The following PDZD2 variants were observed in gnomAD, a reference collection of about 807,000 sequenced individuals.
PDZD2 encodes PDZ domain-containing protein 2.
Under a neutral mutation model 220.7 loss-of-function variants are expected in PDZD2, and 90 were observed. The observed-to-expected ratio is 0.41, with a 90% confidence interval of 0.34 to 0.49. The LOEUF is 0.49. Among genes scored for constraint, PDZD2 ranks in the 20% least tolerant of loss-of-function variants. PDZD2 has a pLI of 0.28. For synonymous variants in PDZD2, 1,375 were observed against 1,450.5 expected (o/e 0.95, Z 1.18); for missense variants, 3,174 against 3,608.5 (o/e 0.88, Z 3.08).
intron 1 of PDZD2, among the ~76,000 whole-genome samples, chr5:31,695,259 G>A (rs1747331773): frequency 6.6e-6 from 1 of 152,206 alleles, no homozygotes. Flanking sequence ...GCCCGTTCCT[G>A]GGTGCCCCCG....
chr5:32,030,672 T>A (rs1403874806), intron 6 of PDZD2, among the ~76,000 whole-genome samples: 1 of 152,214 alleles, frequency 6.6e-6, no homozygotes, highest in Non-Finnish European at 1.5e-5. Context: ...GTGAAAGAGA[T>A]GAAATCAATG....
At chr5:31,894,929 C>T (rs1330930704) in intron 2 of PDZD2, among the ~76,000 whole-genome samples, 2 of 152,150 alleles carry the variant, frequency 1.3e-5, no homozygotes, top group Non-Finnish European at 2.9e-5. Flanking sequence ...CACCCCATGG[C>T]CCAGGCTGGA....
chr5:32,010,599 A>C, intron 6 of PDZD2, 117 bp downstream of exon 6: 1 of 765,528 alleles, frequency 1.3e-6, no homozygotes, highest in Admixed American at 1.9e-5. Flanking sequence ...ATGGGAAAAG[A>C]CACCAGTGCA....
chr5:32,095,731 T>C (rs570750105), intron 21 of PDZD2, among the ~76,000 whole-genome samples: 301 of 147,682 alleles, frequency 2.0e-3, no homozygotes, highest in Non-Finnish European at 2.9e-3. Context: ...TTTTTTTTTT[T>C]CCTTCTCCTT....
chr5:31,965,847 C>T (rs1217196385), intron 2 of PDZD2, among the ~76,000 whole-genome samples: 1 of 152,098 alleles, frequency 6.6e-6, no homozygotes, highest in East Asian at 1.9e-4. Flanking sequence ...TGCGGTGAGC[C>T]TGGATCGCAC....
At chr5:31,676,592 A>C (rs1746433181) in intron 1 of PDZD2, among the ~76,000 whole-genome samples, 1 of 146,252 alleles carries the variant, frequency 6.8e-6, no homozygotes, top group African/African-American at 2.5e-5. Context: ...TTTGAGACAG[A>C]GTCTCGCTCT....
chr5:32,047,337 G>A (rs966842088), intron 7 of PDZD2, among the ~76,000 whole-genome samples: 1 of 152,210 alleles, frequency 6.6e-6, no homozygotes, highest in African/African-American at 2.4e-5. Context: ...CTGTGCTGGT[G>A]AAACAGCATG....
rs10650316 is a variant in PDZD2 at position 31,693,240 on chromosome 5, C to CTTTTTTT, written c.-361+53816_-361+53822dup. Among the ~76,000 whole-genome samples the CTTTTTTT allele has an allele frequency of 3.4e-5, 3 of 87,772 alleles. 1 individual carries two copies. Among genetic ancestry groups the CTTTTTTT allele is most frequent in the Non-Finnish European group, 2.0e-5 (1 of 49,310 alleles). 57.6% of individuals were successfully genotyped at this position (87,772 alleles called of 152,430 possible). ...GGGGCAGGAGGATAGTGGGAAAGCA[C>CTTTTTTT]TTTTTTTTTTTTTTTTTTTGAGACG... is the stretch of plus-strand genomic sequence containing the variant. On this transcript the variant is annotated intron_variant, in intron 1 of 24. Transcript: ENST00000438447.
intron 16 of PDZD2, 150 bp from the exon 17 acceptor site, chr5:32,072,011 A>C (rs369964655): frequency 8.8e-5 from 50 of 566,344 alleles, no homozygotes; most frequent in African/African-American, 8.7e-4. Context: ...AGCCGTTCTG[A>C]GGTACATGGA....
chr5:32,016,137 G>C (rs998855465), intron 6 of PDZD2, among the ~76,000 whole-genome samples: 1 of 152,184 alleles, frequency 6.6e-6, no homozygotes, highest in Admixed American at 6.6e-5. Flanking sequence ...TTGATTCTTC[G>C]TTGGTGGAAC....
chr5:31,979,936 AAATAGTGTCTATG>A (rs1750152050), intron 2 of PDZD2, among the ~76,000 whole-genome samples: 1 of 152,212 alleles, frequency 6.6e-6, no homozygotes, highest in Non-Finnish European at 1.5e-5. Flanking sequence ...GTTCTTAGGT[AAATAGTGTCTATG>A]AGGCACCTAC....
chr5:31,888,572 T>C (rs1740730937), intron 2 of PDZD2, among the ~76,000 whole-genome samples: 1 of 152,228 alleles, frequency 6.6e-6, no homozygotes, highest in Non-Finnish European at 1.5e-5. Context: ...GTGGTGTCTT[T>C]GTAGGCTTGG....
At chr5:31,933,967 C>G (rs999282890) in intron 2 of PDZD2, among the ~76,000 whole-genome samples, 1 of 152,058 alleles carries the variant, frequency 6.6e-6, no homozygotes, top group South Asian at 2.1e-4. Context: ...CTACGTGGCT[C>G]GTTTTGTGAG....
At chr5:31,933,579 G>A (rs534382329) in intron 2 of PDZD2, among the ~76,000 whole-genome samples, 39 of 152,178 alleles carry the variant, frequency 2.6e-4, no homozygotes, top group East Asian at 7.7e-4. Context: ...TTTGTGACCC[G>A]CTGGACAGCC....
chr5:31,756,179 C>G (rs955712247), intron 1 of PDZD2, among the ~76,000 whole-genome samples: 3 of 152,044 alleles, frequency 2.0e-5, no homozygotes, highest in Non-Finnish European at 4.4e-5. Flanking sequence ...CTCCAGGACC[C>G]GGGGGTGCCT....
intron 8 of PDZD2, 110 bp from the exon 9 acceptor site, chr5:32,052,501 C>T (rs1738660591): frequency 1.0e-6 from 1 of 986,242 alleles, no homozygotes. Context: ...AGAGAAATGT[C>T]TAGTACTGAA....
chr5:32,069,247 CAGAG>C (rs560728778), intron 14 of PDZD2, among the ~76,000 whole-genome samples: 3 of 129,090 alleles, frequency 2.3e-5, no homozygotes, highest in Non-Finnish European at 3.1e-5. Flanking sequence ...GCTTGGGTAA[CAGAG>C]AGACTCTGTC....
Position 31,774,131 on chromosome 5 carries a change from G to A in PDZD2, c.-360-24758G>A, listed in dbSNP as rs374246876. The stretch of plus-strand genomic sequence containing the variant: ...AGCTCACCCCAGCCCTAAGCCTGGT[G>A]TGGGCTGAGCTGGGGCTGTGTCTTC... On this transcript the variant is annotated intron_variant, in intron 1 of 24. Coordinates refer to ENST00000438447, the MANE Select transcript of PDZD2 (RefSeq NM_178140.4). Among the ~76,000 whole-genome samples the A allele has an allele frequency of 7.2e-5, 11 of 152,200 alleles. No individual in the cohort carries two copies. In the East Asian group the frequency reaches 1.4e-3, roughly 19 times the overall value.
intron 1 of PDZD2, among the ~76,000 whole-genome samples, chr5:31,675,835 G>A (rs549095994): frequency 4.6e-5 from 7 of 152,196 alleles, no homozygotes; most frequent in Admixed American, 3.9e-4. Context: ...TAGCTGGGAT[G>A]GGACTATGGG....
Sources: gnomAD v4.1 joint callset for allele counts (sites outside exome capture counted in the v4.1 genomes callset) on GRCh38, gnomAD v4.1.1 for gene constraint, MANE v1.5 for transcripts, NCBI Gene and HGNC (gene_info 2026-07-23, HGNC 2026-07-21) for gene names.